The following TRAK1 variants were observed in gnomAD, a reference collection of about 807,000 sequenced individuals.
The protein encoded by TRAK1 is trafficking kinesin protein 1, also known as trafficking kinesin-binding protein 1.
TRAK1 carries 33 observed loss-of-function variants against 92.1 expected under a neutral mutation model. The observed-to-expected ratio is 0.36, with a 90% CI of 0.27 to 0.48. TRAK1 has a LOEUF of 0.48. Among genes scored for constraint, TRAK1 ranks in the 20% least tolerant of loss-of-function variants. The pLI, the probability that TRAK1 is intolerant of heterozygous loss-of-function variation, is 0.99. For missense variants in TRAK1, 1,123 were observed against 1,257.9 expected (o/e 0.89, Z 1.62); for synonymous variants, 521 against 517.3 (o/e 1.01, Z -0.10).
At chr3:42,079,087 T>A (rs1419475831) in intron 1 of TRAK1, among the ~76,000 whole-genome samples, 1 of 152,228 alleles carries the variant, frequency 6.6e-6, no homozygotes, top group African/African-American at 2.4e-5. Context: ...CTGTGACACC[T>A]TGATTGGAGC....
chr3:42,217,214 GACTC>G (rs1180164665), intron 14 of TRAK1: 3 of 983,988 alleles, frequency 3.0e-6, no homozygotes, highest in Non-Finnish European at 2.4e-6. Context: ...AGTCTTGGGT[GACTC>G]ACTGTCTCTC....
At chr3:42,034,885 A>G (rs1023197173) in intron 1 of TRAK1, among the ~76,000 whole-genome samples, 1 of 151,112 alleles carries the variant, frequency 6.6e-6, no homozygotes, top group Non-Finnish European at 1.5e-5. Flanking sequence ...CACTTAGTCC[A>G]TTAGCCCCTC....
intron 2 of TRAK1, among the ~76,000 whole-genome samples, chr3:42,152,113 C>G (rs969048464): frequency 1.3e-5 from 2 of 152,188 alleles, no homozygotes; most frequent in African/African-American, 2.4e-5. Flanking sequence ...GTTAGGAGAA[C>G]TTTATTCAGT....
intron 1 of TRAK1, among the ~76,000 whole-genome samples, chr3:42,075,589 A>G (rs1365186737): frequency 6.6e-6 from 1 of 152,150 alleles, no homozygotes; most frequent in Non-Finnish European, 1.5e-5. Context: ...GGCTGACCTA[A>G]TTTATAATAC....
At position 42,188,131 on chromosome 3, in the gene TRAK1, C is replaced by T. The variant is rs1326104159; in HGVS notation, c.567C>T (p.Ser189=). The T allele has an allele frequency of 8.1e-6, 13 of 1,613,928 alleles. No homozygotes were observed. The highest frequency in any genetic ancestry group is 6.7e-5 in the East Asian group (3 of 44,860). The change falls in exon 5 of 16, where the codon TCC becomes TCT. Residue 189 remains serine, a synonymous_variant. Coordinates refer to ENST00000327628, the MANE Select transcript of TRAK1 (RefSeq NM_001042646.3). ...CTGCGGAGGAGAGTGAGCCCGAGTC[C>T]GTTTGCTCAACCCCGTAAGTCACCA... ...TSAAEESEPE[S]VCSTPLKRNE... is the part of the protein sequence containing the mutation.
At position 42,125,546 on chromosome 3, in the gene TRAK1, C is replaced by T; in HGVS notation, c.218C>T (p.Pro73Leu). Reference sequence around the variant, plus strand: ...GACCACGACGACTGGCTCCATACACCTCTCATTTCTCCAGATGCCAACATT... The same window carrying T: ...GACCACGACGACTGGCTCCATACACTTCTCATTTCTCCAGATGCCAACATT... ...GYDHDDWLHT[P>L]LISPDANIDL... The change falls in exon 2 of 16, where the codon CCT becomes CTT. Residue 73 changes from proline to leucine, a missense_variant. Physicochemically the swap from Pro to Leu is moderately conservative, Grantham distance 98. Around this residue, in one of 3 missense-constraint regions of TRAK1, gnomAD observed 686 missense variants for 747.6 expected, o/e 0.92. Coordinates refer to ENST00000327628, the MANE Select transcript of TRAK1 (RefSeq NM_001042646.3). 1 of 1,614,202 alleles carries T rather than the reference C, an allele frequency of 6.2e-7. No individual in the cohort carries two copies. The highest frequency in any genetic ancestry group is 8.5e-7 in the Non-Finnish European group (1 of 1,180,028).
chr3:42,211,917 AAAG>A (rs1709091603), intron 14 of TRAK1: 2 of 985,330 alleles, frequency 2.0e-6, no homozygotes, highest in South Asian at 9.4e-5. Flanking sequence ...GTGTAATAAA[AAAG>A]AATTACCTAG....
At chr3:42,037,313 C>T (rs574766462) in intron 1 of TRAK1, among the ~76,000 whole-genome samples, 19 of 152,266 alleles carry the variant, frequency 1.2e-4, no homozygotes, top group African/African-American at 4.3e-4. Context: ...GACCCATTTT[C>T]CTTAATTATC....
At chr3:42,199,383 T>C (rs1707206124) in intron 11 of TRAK1, 130 bp downstream of exon 11, 5 of 806,272 alleles carry the variant, frequency 6.2e-6, no homozygotes, top group Non-Finnish European at 1.0e-5. Flanking sequence ...CAGTCCAGAT[T>C]AAGGGAAATA....
At chr3:42,042,663 G>T (rs1158604912) in intron 1 of TRAK1, among the ~76,000 whole-genome samples, 2 of 144,382 alleles carry the variant, frequency 1.4e-5, no homozygotes, top group African/African-American at 5.8e-5. Context: ...GAGCCACCGC[G>T]CCCAGCCTGG....
intron 1 of TRAK1, among the ~76,000 whole-genome samples, chr3:42,079,872 C>T (rs549689710): frequency 2.0e-5 from 3 of 152,294 alleles, no homozygotes; most frequent in South Asian, 2.1e-4. Context: ...TCGTGATCTC[C>T]TACTGGAAGT....
chr3:42,194,513 G>T (rs1221364384), intron 9 of TRAK1, among the ~76,000 whole-genome samples: 2 of 152,090 alleles, frequency 1.3e-5, no homozygotes, highest in African/African-American at 4.8e-5. Context: ...TGAGATTACA[G>T]CTGTAAGCCA....
At chr3:42,189,260 A>G in intron 6 of TRAK1, 136 bp downstream of exon 6, 1 of 650,338 alleles carries the variant, frequency 1.5e-6, no homozygotes, top group South Asian at 1.9e-5. Flanking sequence ...CGCTCGGCAG[A>G]TGTGCCTCCT....
At chr3:42,067,385 G>A (rs565653231) in intron 1 of TRAK1, among the ~76,000 whole-genome samples, 1 of 152,316 alleles carries the variant, frequency 6.6e-6, no homozygotes, top group South Asian at 2.1e-4. Context: ...GGGCTGAGAT[G>A]TTTCTTCTCA....
chr3:42,110,421 C>T (rs2149068719), intron 1 of TRAK1, among the ~76,000 whole-genome samples: 1 of 152,108 alleles, frequency 6.6e-6, no homozygotes, highest in Admixed American at 6.5e-5. Flanking sequence ...AGGTGCTCCT[C>T]TCTGGGGATG....
At chr3:42,120,371 C>T (rs1270250121) in intron 1 of TRAK1, among the ~76,000 whole-genome samples, 1 of 152,040 alleles carries the variant, frequency 6.6e-6, no homozygotes, top group African/African-American at 2.4e-5. Flanking sequence ...TGAATTGTAA[C>T]TGTGGGGAAA....
At chr3:42,048,356 G>A (rs1702842088) in intron 1 of TRAK1, among the ~76,000 whole-genome samples, 1 of 152,042 alleles carries the variant, frequency 6.6e-6, no homozygotes, top group African/African-American at 2.4e-5. Context: ...TGTCAGCATG[G>A]CTCTCAGTTC....
At chr3:42,128,890 G>A (rs1309341146) in intron 2 of TRAK1, among the ~76,000 whole-genome samples, 1 of 152,138 alleles carries the variant, frequency 6.6e-6, no homozygotes, top group Non-Finnish European at 1.5e-5. Context: ...AAGGCTGAGT[G>A]TTGTGGAATA....
At chr3:42,199,657 CA>C (rs1268115998) in intron 11 of TRAK1, among the ~76,000 whole-genome samples, 6 of 152,166 alleles carry the variant, frequency 3.9e-5, no homozygotes, top group Non-Finnish European at 8.8e-5. Flanking sequence ...AGGGCTTCAC[CA>C]TGTTGCTCAG....
Sources: allele counts gnomAD v4.1 joint callset (sites outside exome capture counted in the v4.1 genomes callset), GRCh38; gene constraint gnomAD v4.1.1; regional missense constraint gnomAD v4.1.1; transcripts MANE v1.5; gene names NCBI Gene and HGNC (gene_info 2026-07-23, HGNC 2026-07-21).